The following NPIPA5 variants were observed in gnomAD, a reference collection of about 807,000 sequenced individuals.
NPIPA5 encodes the protein nuclear pore complex-interacting protein family member A5.
In NPIPA5, 6 loss-of-function variants were observed where a neutral mutation model predicts 21.4. The observed-to-expected ratio is 0.28, with a 90% CI of 0.15 to 0.55. The LOEUF is 0.55. NPIPA5 is among the 20% of genes least tolerant of loss of function. The probability of loss-of-function intolerance (pLI) is 0.93; values close to 1 mark genes in which losing one functional copy is unlikely to be tolerated. For missense variants in NPIPA5, 99 were observed against 318.2 expected, an observed-to-expected ratio of 0.31 and a Z score of 5.24; for synonymous variants, 33 against 115.3, an observed-to-expected ratio of 0.29 and a Z score of 4.57.
chr16:15,371,253 G>C (rs1418695081), intron 2 of NPIPA5, among the ~76,000 whole-genome samples: 1 of 141,000 alleles, frequency 7.1e-6, no homozygotes, highest in East Asian at 2.3e-4. Flanking sequence ...ATCTGCACTG[G>C]AGCATCTTTC....
intron 1 of NPIPA5, among the ~76,000 whole-genome samples, 180 bp downstream of exon 1, chr16:15,378,052 C>T (rs2050358169): frequency 6.9e-6 from 1 of 145,294 alleles, no homozygotes; most frequent in Admixed American, 6.9e-5. Flanking sequence ...CCACGCTCCT[C>T]CCAAGGCCAG....
At chr16:15,380,362 G>A (rs899102344), upstream of NPIPA5, among the ~76,000 whole-genome samples, 3 of 149,726 alleles carry the variant, frequency 2.0e-5, no homozygotes, top group Non-Finnish European at 3.0e-5. Flanking sequence ...TCGCTCTGTC[G>A]TACAGTCTGG....
chr16:15,375,786 G>T (rs1462811850), intron 1 of NPIPA5, among the ~76,000 whole-genome samples: 2 of 150,630 alleles, frequency 1.3e-5, no homozygotes, highest in Non-Finnish European at 3.0e-5. Flanking sequence ...TCATGAAAAT[G>T]GCATGAATAG....
In NPIPA5 at chr16:15,368,176, T is replaced by C. The variant is rs375307444; in HGVS notation, c.438-1416A>G. On this transcript the variant is annotated intron_variant, in intron 4 of 7. Coordinates refer to ENST00000360151, the MANE Select transcript of NPIPA5 (RefSeq NM_001277325.2). ...AGAAGCACAGCAGCTTTTGCACACA[T>C]GCGTGGGGTTAGATGGAAAACAAGT... 4.0e-4 allele frequency among the ~76,000 whole-genome samples: 55 copies of C among 138,306 alleles called. 1 individual carries two copies. The East Asian group carries it at 9.1e-3, about 23-fold the overall frequency. 90.7% of individuals were successfully genotyped at this position (138,306 alleles called of 152,430 possible).
At chr16:15,379,748 G>C (rs1321965025), upstream of NPIPA5, among the ~76,000 whole-genome samples, 1 of 151,502 alleles carries the variant, frequency 6.6e-6, no homozygotes, top group Non-Finnish European at 1.5e-5. Context: ...GGGTTGACAC[G>C]AGCCTGGCCA....
rs769764214 is a variant in NPIPA5 at position 15,363,767 on chromosome 16, G to A, written c.945C>T (p.Pro315=). The change falls in exon 8 of 8, where the codon CCC becomes CCT. Residue 315 remains proline, a synonymous_variant. Transcript: ENST00000360151. ...LKTPAECLLT[P]LPPSAPPSAD... ...CTGAGGGTGGAGCTGAGGGTGGAAGGGGAGTGAGCAGACACTCGGCAGGTG... is the reference window on the plus strand; with the variant it reads ...CTGAGGGTGGAGCTGAGGGTGGAAGAGGAGTGAGCAGACACTCGGCAGGTG... 20 of 1,294,180 alleles carry A rather than the reference G, an allele frequency of 1.5e-5. 2 individuals carry two copies. The Admixed American group carries it at 4.9e-4, about 32-fold the overall frequency. The allele number at this position is 1,294,180 out of a possible 1,614,324, so 80.2% of individuals were successfully genotyped here. A position where few individuals can be genotyped will look rare whatever the true frequency, so the allele number is the denominator to read the frequency against.
intron 1 of NPIPA5, among the ~76,000 whole-genome samples, chr16:15,376,143 T>A (rs1279065530): frequency 1.3e-5 from 2 of 151,834 alleles, no homozygotes; most frequent in African/African-American, 4.8e-5. Flanking sequence ...CATGCATCTG[T>A]ATACGTGAAA....
At chr16:15,379,912 C>G (rs565941777), upstream of NPIPA5, among the ~76,000 whole-genome samples, 2 of 151,694 alleles carry the variant, frequency 1.3e-5, no homozygotes, top group East Asian at 3.9e-4. Context: ...CCATTGCACT[C>G]CAGCCTGGGG....
At position 15,366,762 on chromosome 16, in the gene NPIPA5, T is replaced by A; in HGVS notation, c.438-2A>T. 4.7e-6 allele frequency: 7 copies of A among 1,498,810 alleles called. No individual in the cohort carries two copies. The highest frequency in any genetic ancestry group is 6.2e-6 in the Non-Finnish European group (7 of 1,131,452). The allele number at this position is 1,498,810 out of a possible 1,614,324, so 92.8% of individuals were successfully genotyped here. A position where few individuals can be genotyped will look rare whatever the true frequency, so the allele number is the denominator to read the frequency against. ...TCTTTCATGCTTAGTTTCCTCAGAC[T>A]AGAAGGGAGAGAAATGCACACACAT... On this transcript the variant is annotated splice_acceptor_variant, in intron 4 of 7. Transcript: ENST00000360151. LOFTEE classifies it high-confidence loss of function.
chr16:15,375,973 G>T (rs992127047), intron 1 of NPIPA5, among the ~76,000 whole-genome samples: 12 of 150,096 alleles, frequency 8.0e-5, no homozygotes, highest in Non-Finnish European at 1.5e-4. Context: ...TTTCAAGATG[G>T]TGAATTAAAC....
At chr16:15,367,290 C>T (rs1294565465) in intron 4 of NPIPA5, among the ~76,000 whole-genome samples, 2 of 152,104 alleles carry the variant, frequency 1.3e-5, no homozygotes, top group Admixed American at 1.3e-4. Flanking sequence ...CCCTGCAGTT[C>T]ACTACTGCAC....
upstream of NPIPA5, among the ~76,000 whole-genome samples, chr16:15,379,985 C>CTGTGTGTG (rs370938234): frequency 1.4e-5 from 2 of 143,538 alleles, no homozygotes; most frequent in African/African-American, 5.1e-5. Flanking sequence ...GTGTGTGTGT[C>CTGTGTGTG]TGTGTGTGTG....
chr16:15,366,612 G>A, intron 5 of NPIPA5, 41 bp downstream of exon 5: 2 of 608,454 alleles, frequency 3.3e-6, no homozygotes, highest in Non-Finnish European at 5.6e-6. Context: ...ACACTCCAAT[G>A]GGCGTTTCCC....
chr16:15,367,448 C>A (rs2050007580), intron 4 of NPIPA5, among the ~76,000 whole-genome samples: 1 of 152,052 alleles, frequency 6.6e-6, no homozygotes, highest in South Asian at 2.1e-4. Flanking sequence ...GTGACAACGG[C>A]AAACCATCCA....
At chr16:15,367,109 T>A (rs960415030) in intron 4 of NPIPA5, among the ~76,000 whole-genome samples, 1 of 152,124 alleles carries the variant, frequency 6.6e-6, no homozygotes, top group African/African-American at 2.4e-5. Context: ...CTCATTTTAG[T>A]TCAGTGTGAA....
At chr16:15,375,431 C>T (rs1019141683) in intron 1 of NPIPA5, among the ~76,000 whole-genome samples, 12 of 148,376 alleles carry the variant, frequency 8.1e-5, no homozygotes, top group Non-Finnish European at 1.6e-4. Flanking sequence ...AAATAAGTAT[C>T]GAATTTTAGT....
At chr16:15,370,994 C>T (rs2050141739) in intron 2 of NPIPA5, among the ~76,000 whole-genome samples, 4 of 119,150 alleles carry the variant, frequency 3.4e-5, no homozygotes, top group African/African-American at 8.6e-5. Context: ...TTGCAGTGAG[C>T]CAAGATCCCA....
At chr16:15,379,813 C>T (rs2925563), upstream of NPIPA5, among the ~76,000 whole-genome samples, 24 of 151,536 alleles carry the variant, frequency 1.6e-4, no homozygotes, top group South Asian at 4.2e-4. Flanking sequence ...GGCATGGTGG[C>T]GCATACCTGT....
chr16:15,369,509 C>T (rs1353738215), intron 4 of NPIPA5, among the ~76,000 whole-genome samples: 3 of 151,492 alleles, frequency 2.0e-5, no homozygotes, highest in Non-Finnish European at 4.4e-5. Context: ...AACTCCTCTT[C>T]CCCTGAAAAA....
Sources: allele counts gnomAD v4.1 joint callset (sites outside exome capture counted in the v4.1 genomes callset), GRCh38; gene constraint gnomAD v4.1.1; transcripts MANE v1.5; gene names NCBI Gene and HGNC (gene_info 2026-07-23, HGNC 2026-07-21).